Variants in CACNA1F observed in about 807,000 individuals in gnomAD.
The protein encoded by CACNA1F is calcium voltage-gated channel subunit alpha1 F.
Under a neutral mutation model 143.8 loss-of-function variants are expected in CACNA1F, and 59 were observed. The ratio of observed to expected loss-of-function variants is 0.41; its 90% CI spans 0.33 to 0.51. The LOEUF is 0.51. Ranked by LOEUF, CACNA1F falls within the 20% of genes least tolerant of loss-of-function variation. The pLI, the probability that CACNA1F is intolerant of heterozygous loss-of-function variation, is 0.22. For missense variants in CACNA1F, 1,411 were observed against 1,647.5 expected, an observed-to-expected ratio of 0.86 and a Z score of 2.48; for synonymous variants, 643 against 649.1, an observed-to-expected ratio of 0.99 and a Z score of 0.14.
chrX:49,224,673 T>G, intron 14 of CACNA1F, 88 bp downstream of exon 14: 1 of 606,318 alleles, frequency 1.6e-6, no homozygotes, highest in Non-Finnish European at 2.8e-6. Context: ...CAATGAATGG[T>G]GAAGCAGATG....
intron 6 of CACNA1F, among the ~76,000 whole-genome samples, chrX:49,229,077 A>G (rs1040886276): frequency 8.9e-6 from 1 of 112,354 alleles, no homozygotes; most frequent in Non-Finnish European, 1.9e-5. Context: ...GGGGCAAGGC[A>G]TGGGCGGGAG....
At position 49,222,995 on chromosome X, in the gene CACNA1F, A is replaced by G. The variant is rs1266984603; in HGVS notation, c.2019T>C (p.Phe673=). Residue 673 remains phenylalanine, a synonymous_variant, in exon 15 of 48, where the codon TTT becomes TTC. Transcript: ENST00000323022. ...GMQLFGGKFN[F]DQTHTKRSTF... ...TGCTTCGCTTGGTGTGGGTCTGGTC[A>G]AAGTTGAACTTGCCCCCAAACAGCT... 8 of 1,196,650 alleles carry G rather than the reference A, an allele frequency of 6.7e-6. No homozygotes were observed. Among genetic ancestry groups the G allele is most frequent in the Non-Finnish European group, 9.0e-6 (8 of 888,796 alleles).
At position 49,206,614 on chromosome X, in the gene CACNA1F, G is replaced by A. The variant is rs368843924; in HGVS notation, c.5369C>T (p.Pro1790Leu). 1.4e-5 allele frequency: 17 copies of A among 1,206,867 alleles called. No individual in the cohort carries two copies. The highest frequency in any genetic ancestry group is 2.2e-5 in the Admixed American group (1 of 45,703). ...LLPPTPAGRK[P>L]SFTIQCLQRQ... ...CTGCAGACACTGGATGGTGAAGGAGGGCTTCCGACCTGGGGGTGGGTGGGG... is the reference window on the plus strand; with the variant it reads ...CTGCAGACACTGGATGGTGAAGGAGAGCTTCCGACCTGGGGGTGGGTGGGG... The change falls in exon 46 of 48, where the codon CCC becomes CTC. Residue 1790 changes from proline to leucine, a missense_variant. Pro to Leu is a moderately conservative substitution (Grantham distance 98). Transcript: ENST00000323022.
chrX:49,232,642 A>G (rs145977996), intron 1 of CACNA1F, among the ~76,000 whole-genome samples: 2,335 of 111,937 alleles, frequency 0.021, 72 homozygotes, highest in African/African-American at 0.072. Context: ...GTTCAGAATC[A>G]AAAGAATGCC....
chrX:49,218,861 G>T (rs2065746023), intron 22 of CACNA1F, 21 bp downstream of exon 22: 2 of 1,178,150 alleles, frequency 1.7e-6, no homozygotes, highest in South Asian at 1.8e-5. Flanking sequence ...CTGAGGGTAG[G>T]ACTGGGGTCC....
In CACNA1F at chrX:49,205,723, C is replaced by T. The variant is rs367608150; in HGVS notation, c.5563G>A (p.Gly1855Ser). Residue 1855 changes from glycine (G) to serine (S), a missense_variant, in exon 47 of 48, where the codon GGC becomes AGC. Gly to Ser is a moderately conservative substitution (Grantham distance 56). Around this residue, in one of 3 missense-constraint regions of CACNA1F, gnomAD observed 349 missense variants for 350.2 expected, o/e 1.00. Transcript: ENST00000323022. The stretch of plus-strand genomic sequence containing the variant: ...GTGCGCAGTGGGCCACTGGATCTGC[C>T]GAGGTACCCCTCCCCCGCTGCGCCC... ...EEGAAGEGYL[G>S]RSSGPLRTFT... is the part of the protein sequence containing the mutation. 4.2e-5 allele frequency: 51 copies of T among 1,202,854 alleles called. No homozygotes were observed. The Middle Eastern group carries it at 9.3e-4, about 22-fold the overall frequency.
chrX:49,229,930 G>A (rs2065861095), intron 6 of CACNA1F, among the ~76,000 whole-genome samples: 1 of 112,353 alleles, frequency 8.9e-6, no homozygotes, highest in African/African-American at 3.2e-5. Context: ...GATTACAGGC[G>A]CAGAGTCTTG....
At position 49,206,611 on chromosome X, in the gene CACNA1F, G is replaced by C. The variant is rs1602621312; in HGVS notation, c.5372C>G (p.Ser1791Cys). 1 of 1,205,843 alleles carries C rather than the reference G, an allele frequency of 8.3e-7. No individual in the cohort carries two copies. Among genetic ancestry groups the C allele is most frequent in the African/African-American group, 1.8e-5 (1 of 56,902 alleles). The stretch of plus-strand genomic sequence containing the variant: ...GCGCTGCAGACACTGGATGGTGAAG[G>C]AGGGCTTCCGACCTGGGGGTGGGTG... The part of the protein sequence containing the change: ...LPPTPAGRKP[S>C]FTIQCLQRQG... The change falls in exon 46 of 48, where the codon TCC becomes TGC. Residue 1791 changes from serine to cysteine, a missense_variant. Coordinates refer to ENST00000323022, the MANE Select transcript of CACNA1F (RefSeq NM_001256789.3).
rs199932603 is a variant in CACNA1F, at chrX:49,216,379, C to T, written c.3236+3G>A. The T allele has an allele frequency of 2.0e-4, 239 of 1,209,324 alleles. No individual in the cohort carries two copies. Among genetic ancestry groups the T allele is most frequent in the Non-Finnish European group, 2.5e-4 (228 of 894,374 alleles). On this transcript the variant is annotated splice_donor_region_variant and intron_variant, in intron 27 of 47. Transcript: ENST00000323022. ...CTGATAAACCCAGGGCCCTGTCCCT[C>T]ACGCAGGCCAGCCTTCAAAGGTGGA...
At chrX:49,210,451 T>G (rs782400505) in intron 38 of CACNA1F, 48 bp from the exon 39 acceptor site, 2 of 1,073,363 alleles carry the variant, frequency 1.9e-6, no homozygotes, top group Non-Finnish European at 2.6e-6. Flanking sequence ...ATGCCGGGTA[T>G]GCAGGAACGA....
chrX:49,218,577 G>T, intron 23 of CACNA1F, 35 bp from the exon 24 acceptor site: 11 of 1,180,092 alleles, frequency 9.3e-6, no homozygotes, highest in Non-Finnish European at 1.1e-5. Flanking sequence ...ATTGGCCCTG[G>T]CTGGGCCCTG....
chrX:49,228,330 T>G lies in CACNA1F; in HGVS notation c.935A>C (p.Asn312Thr), dbSNP rs904954978. 14 of 1,211,566 alleles carry G rather than the reference T, an allele frequency of 1.2e-5. No homozygotes were observed. The highest frequency in any genetic ancestry group is 2.2e-5 in the Admixed American group (1 of 46,113). ...RWPGPNGGIT[N>T]FDNFFFAMLT... ...CATGGCGAAGAAGAAGTTGTCAAAG[T>G]TGGTGATGCCTCCATTGGGCCCTGG... Residue 312 changes from asparagine to threonine, a missense_variant, in exon 7 of 48, where the codon AAC becomes ACC. Asn to Thr is a moderately conservative substitution (Grantham distance 65, BLOSUM62 0). Coordinates refer to ENST00000323022, the MANE Select transcript of CACNA1F (RefSeq NM_001256789.3).
chrX:49,226,343 A>G, intron 11 of CACNA1F, 66 bp downstream of exon 11: 1 of 1,138,705 alleles, frequency 8.8e-7, no homozygotes, highest in Admixed American at 2.3e-5. Context: ...GCTTGAGGCT[A>G]AAGAAAGGAC....
rs781999760 is a variant in CACNA1F, at chrX:49,216,540, C to CA, written c.3090-13dup. 3.3e-6 allele frequency: 4 copies of CA among 1,196,879 alleles called. No homozygotes were observed. The East Asian group carries it at 1.2e-4, about 36-fold the overall frequency. ...CCAGGAAGGAGCCCCTGTGGATGTG[C>CA]AAACAGGTTAGATGGGTGAGGAGGG... On this transcript the variant is annotated splice_polypyrimidine_tract_variant and intron_variant, in intron 26 of 47. Transcript: ENST00000323022.
intron 41 of CACNA1F, 41 bp from the exon 42 acceptor site, chrX:49,209,434 C>T (rs1297732468): frequency 8.4e-7 from 1 of 1,190,077 alleles, no homozygotes; most frequent in Non-Finnish European, 1.1e-6. Context: ...AGCTCAGGGT[C>T]TGAACTTTCC....
Position 49,212,697 on chromosome X carries a change from T to C in CACNA1F, c.3912A>G (p.Thr1304=), listed in dbSNP as rs782747709. 4 of 1,207,465 alleles carry C rather than the reference T, an allele frequency of 3.3e-6. No homozygotes were observed. The South Asian group carries it at 5.3e-5, about 16-fold the overall frequency. ...KLLSKGEGIR[T]LLWTFIKSFQ... ...AGGACTTGATGAATGTCCAGAGCAA[T>C]GTGCGGATCCCTTCACCCTTACTGA... The change falls in exon 33 of 48, where the codon ACA becomes ACG. Residue 1304 remains threonine, a synonymous_variant. Coordinates refer to ENST00000323022, the MANE Select transcript of CACNA1F (RefSeq NM_001256789.3).
intron 33 of CACNA1F, 109 bp from the exon 34 acceptor site, chrX:49,212,417 G>T: frequency 1.5e-6 from 1 of 674,200 alleles, no homozygotes; most frequent in Non-Finnish European, 2.4e-6. Flanking sequence ...GGGAGATGCA[G>T]TCCATCTCCA....
Position 49,231,005 on chromosome X carries a change from G to C in CACNA1F, c.382-16C>G. ...CCACCTGCTCCTGGGGGTGGGACCG[G>C]GGGGCGGGTCGGGAAGTCGAGGAGT... is the stretch of plus-strand genomic sequence containing the variant. On this transcript the variant is annotated splice_polypyrimidine_tract_variant and intron_variant, in intron 3 of 47. Coordinates refer to ENST00000323022, the MANE Select transcript of CACNA1F (RefSeq NM_001256789.3). 8.8e-7 allele frequency: 1 copy of C among 1,136,288 alleles called. No individual in the cohort carries two copies. Among genetic ancestry groups the C allele is most frequent in the South Asian group, 1.8e-5 (1 of 54,286 alleles). 93.6% of individuals were successfully genotyped at this position (1,136,288 alleles called of 1,213,427 possible). A position where few individuals can be genotyped will look rare whatever the true frequency, so the allele number is the denominator to read the frequency against.
At chrX:49,215,564 G>C (rs947491542) in intron 27 of CACNA1F, 21 bp from the exon 28 acceptor site, 1 of 875,839 alleles carries the variant, frequency 1.1e-6, no homozygotes, top group Non-Finnish European at 1.7e-6. Context: ...CAGAGGGGGG[G>C]TAGAGGTGGG....
Sources: allele counts gnomAD v4.1 joint callset (sites outside exome capture counted in the v4.1 genomes callset), GRCh38; gene constraint gnomAD v4.1.1; regional missense constraint gnomAD v4.1.1; transcripts MANE v1.5; gene names NCBI Gene and HGNC (gene_info 2026-07-23, HGNC 2026-07-21).